The following USP35 variants were observed in gnomAD, a reference collection of about 807,000 sequenced individuals.
The protein encoded by USP35 is ubiquitin specific peptidase 35, also known as ubiquitin carboxyl-terminal hydrolase 35.
In USP35, 69 loss-of-function variants were observed where a neutral mutation model predicts 83.8. That is an observed-to-expected ratio of 0.82 (90% CI 0.68 to 1.01). The LOEUF is 1.01. USP35 is among the 50% of genes least tolerant of loss of function. USP35 has a pLI of 0.00. For missense variants in USP35, 1,503 were observed against 1,362.5 expected, an observed-to-expected ratio of 1.10 and a Z score of -1.62; for synonymous variants, 714 against 589.5, an observed-to-expected ratio of 1.21 and a Z score of -3.06.
Position 78,199,803 on chromosome 11 carries a change from C to G in USP35, c.936+79C>G, listed in dbSNP as rs115278063. ...CAGGGGCGGTGCAGGTCTGGGAGGT[C>G]AGAGCATTGGGCCTACCCACCAAGC... is the stretch of plus-strand genomic sequence containing the variant. On this transcript the variant is annotated intron_variant, in intron 4 of 10. Transcript: ENST00000529308. The G allele has an allele frequency of 1.5e-3, 2,393 of 1,602,468 alleles. 32 individuals carry two copies. In the African/African-American group the frequency reaches 0.028, roughly 19 times the overall value.
chr11:78,225,161 C>G, the USP35 span: 1 of 1,613,732 alleles, frequency 6.2e-7, no homozygotes, highest in Non-Finnish European at 8.5e-7. Flanking sequence ...CCTGCACTCT[C>G]TCCACCACGC....
chr11:78,212,313 C>T (rs1052998435), intron 10 of USP35, among the ~76,000 whole-genome samples: 7 of 151,868 alleles, frequency 4.6e-5, no homozygotes, highest in African/African-American at 1.5e-4. Flanking sequence ...TGTTTTTATA[C>T]CAGTACTATA....
chr11:78,222,277 T>A, the USP35 span: 2 of 898,840 alleles, frequency 2.2e-6, no homozygotes, highest in Non-Finnish European at 3.7e-6. Context: ...CACATGAGCA[T>A]GTTTATAAAG....
At chr11:78,211,610 CAT>C (rs1039212846) in intron 10 of USP35, among the ~76,000 whole-genome samples, 5 of 152,228 alleles carry the variant, frequency 3.3e-5, no homozygotes, top group African/African-American at 1.2e-4. Flanking sequence ...ACCTCACCAG[CAT>C]ATGTTGTTTC....
chr11:78,219,003 T>C (rs1223125361), downstream of USP35: 2 of 431,926 alleles, frequency 4.6e-6, no homozygotes, highest in Non-Finnish European at 8.3e-6. Flanking sequence ...GGATGCTTTT[T>C]GGAAGTAGCT....
intron 6 of USP35, among the ~76,000 whole-genome samples, chr11:78,203,296 G>T (rs965657197): frequency 6.6e-6 from 1 of 152,128 alleles, no homozygotes; most frequent in African/African-American, 2.4e-5. Flanking sequence ...TGGATGCATC[G>T]GAGGGGAGGC....
At chr11:78,197,140 G>A (rs1402028367) in intron 2 of USP35, among the ~76,000 whole-genome samples, 1 of 151,184 alleles carries the variant, frequency 6.6e-6, no homozygotes, top group African/African-American at 2.4e-5. Flanking sequence ...TGTTGGAAAC[G>A]CAGGGAGGAG....
chr11:78,226,817 G>C, the USP35 span: 6 of 1,613,956 alleles, frequency 3.7e-6, no homozygotes, highest in Non-Finnish European at 5.1e-6. Flanking sequence ...TATCTGTCTC[G>C]GAGCCTGTGA....
At chr11:78,220,139 A>G (rs918009096), downstream of USP35, among the ~76,000 whole-genome samples, 3 of 152,186 alleles carry the variant, frequency 2.0e-5, no homozygotes, top group African/African-American at 7.2e-5. Context: ...GAGAGCAGGA[A>G]TAGGAGTCTT....
In USP35 at chr11:78,209,988, G is replaced by T; in HGVS notation, c.2133G>T (p.Glu711Asp). ...AAGGAGAGAGGGAGAAAGAGGAGGA[G>T]GTGGAAGAGGAAGAAGAGAAGGTGG... The part of the protein sequence containing the change: ...RGEGEREKEE[E>D]VEEEEEKVEK... Residue 711 changes from glutamate (E) to aspartate (D), a missense_variant, in exon 10 of 11, where the codon GAG (glutamate) becomes GAT (aspartate). Glu to Asp is a conservative substitution (Grantham distance 45, BLOSUM62 2). Coordinates refer to ENST00000529308, the MANE Select transcript of USP35 (RefSeq NM_020798.4). 1 of 1,613,082 alleles carries T rather than the reference G, an allele frequency of 6.2e-7. No individual in the cohort carries two copies. The highest frequency in any genetic ancestry group is 8.5e-7 in the Non-Finnish European group (1 of 1,179,618).
intron 6 of USP35, among the ~76,000 whole-genome samples, chr11:78,202,328 G>A (rs996500763): frequency 3.3e-5 from 5 of 152,212 alleles, no homozygotes; most frequent in African/African-American, 1.2e-4. Flanking sequence ...GTTTTAAATA[G>A]ACATCAGGGA....
Position 78,214,976 on chromosome 11 carries a change from A to AGGGGCTGCCTGCTGTGATGGTGGTG in USP35, c.*1164_*1188dup, listed in dbSNP as rs1864044744. Among the ~76,000 whole-genome samples, 1 of 152,084 alleles carries AGGGGCTGCCTGCTGTGATGGTGGTG rather than the reference A, an allele frequency of 6.6e-6. No homozygotes were observed. Among genetic ancestry groups the AGGGGCTGCCTGCTGTGATGGTGGTG allele is most frequent in the East Asian group, 1.9e-4 (1 of 5,190 alleles). ...CAAGCCTTTACCTACCTCCTTCCCC[A>AGGGGCTGCCTGCTGTGATGGTGGTG]GGGGCTGCCTGCTGTGATGGTGGTG... On this transcript the variant is annotated 3_prime_UTR_variant, in exon 11 of 11. Coordinates refer to ENST00000529308, the MANE Select transcript of USP35 (RefSeq NM_020798.4).
At chr11:78,205,726 G>A in intron 6 of USP35, 116 bp from the exon 7 acceptor site, 2 of 1,125,940 alleles carry the variant, frequency 1.8e-6, no homozygotes, top group South Asian at 1.5e-5. Context: ...GTGGGGGGGT[G>A]TGCCTGGGAG....
At chr11:78,219,637 G>C (rs969850262), downstream of USP35, among the ~76,000 whole-genome samples, 1 of 152,178 alleles carries the variant, frequency 6.6e-6, no homozygotes, top group African/African-American at 2.4e-5. Context: ...AGCAGCACCT[G>C]CCAGCCCTTC....
At chr11:78,208,772 G>T in intron 8 of USP35, 85 bp from the exon 9 acceptor site, 6 of 1,442,846 alleles carry the variant, frequency 4.2e-6, no homozygotes, top group Non-Finnish European at 5.8e-6. Flanking sequence ...AGGGAATGAG[G>T]TAGACCCTCA....
At chr11:78,223,474 G>A in the USP35 span, 3 of 1,600,034 alleles carry the variant, frequency 1.9e-6, no homozygotes, top group South Asian at 3.4e-5. Context: ...TCCTCTGCTG[G>A]GGCCTCGGTG....
Position 78,210,115 on chromosome 11 carries a change from G to A in USP35, c.2260G>A (p.Gly754Ser). ...AAIPSGERTC[G>S]SEGSRSVLDL... ...CATCCCCTCCGGGGAGCGGACATGT[G>A]GCTCTGAGGGCTCCCGCTCCGTCCT... The change falls in exon 10 of 11, where the codon GGC becomes AGC. Residue 754 changes from glycine (G) to serine (S), a missense_variant. By Grantham distance (56) the Gly-to-Ser change is moderately conservative. Coordinates refer to ENST00000529308, the MANE Select transcript of USP35 (RefSeq NM_020798.4). 1 of 1,613,888 alleles carries A rather than the reference G, an allele frequency of 6.2e-7. No homozygotes were observed. Among genetic ancestry groups the A allele is most frequent in the Non-Finnish European group, 8.5e-7 (1 of 1,179,916 alleles).
At chr11:78,198,596 C>T (rs1421099277) in intron 3 of USP35, 2 of 985,296 alleles carry the variant, frequency 2.0e-6, no homozygotes, top group Non-Finnish European at 1.2e-6. Context: ...TTTGCCTATG[C>T]AGACCCCGTC....
rs571297333 is a variant in USP35, at chr11:78,206,230, T to G, written c.1391+195T>G. 2.1e-3 allele frequency among the ~76,000 whole-genome samples: 322 copies of G among 152,238 alleles called. 1 individual carries two copies. The highest frequency in any genetic ancestry group is 7.3e-3 in the African/African-American group (302 of 41,538). The stretch of plus-strand genomic sequence containing the variant: ...AGGCAGGTCAGGACTGGATGGGAAC[T>G]CAAGAAGGGGCTTAAGGGGCTGGGC... On this transcript the variant is annotated intron_variant, in intron 7 of 10. Transcript: ENST00000529308.
Sources: allele counts gnomAD v4.1 joint callset (sites outside exome capture counted in the v4.1 genomes callset), GRCh38; gene constraint gnomAD v4.1.1; transcripts MANE v1.5; gene names NCBI Gene and HGNC (gene_info 2026-07-23, HGNC 2026-07-21).